Variants in TEX13C observed in about 807,000 individuals in gnomAD.
The protein encoded by TEX13C is TEX13 family member C, also known as testis-expressed protein 13C.
For synonymous variants in TEX13C, 219 were observed against 116.6 expected (o/e 1.88, Z -5.65); for missense variants, 480 against 298.7 (o/e 1.61, Z -4.47).
chrX:125,321,229 C>A (rs758548467), exon 1 of TEX13C: 1 of 515,359 alleles, frequency 1.9e-6, no homozygotes, highest in Non-Finnish European at 3.5e-6. Context: ...AGATGGTCCC[C>A]CTAGGGGACA....
chrX:125,321,356 C>T (rs929556424), exon 1 of TEX13C: 4 of 515,029 alleles, frequency 7.8e-6, no homozygotes, highest in Non-Finnish European at 3.5e-6. Context: ...GATGGTCTCC[C>T]TGGGGGACAG....
exon 1 of TEX13C, chrX:125,320,301 G>A (rs886090222): frequency 1.6e-5 from 8 of 515,152 alleles, no homozygotes; most frequent in Non-Finnish European, 2.4e-5. Flanking sequence ...CGGGTGCCCC[G>A]TGCCATTAAG....
exon 1 of TEX13C, chrX:125,323,030 C>T (rs947095121): frequency 2.3e-5 from 12 of 513,745 alleles, no homozygotes; most frequent in East Asian, 7.2e-5. Context: ...GAATTTTCCA[C>T]GGAACAAGGT....
chrX:125,320,503 G>A, exon 1 of TEX13C: 1 of 515,947 alleles, frequency 1.9e-6, no homozygotes, highest in East Asian at 3.6e-5. Flanking sequence ...TGCACCTCAC[G>A]CAGGCCGCCC....
chrX:125,320,052 A>G (rs1324558037), upstream of TEX13C: 2 of 453,439 alleles, frequency 4.4e-6, no homozygotes, highest in Non-Finnish European at 7.7e-6. Flanking sequence ...AGCAACCTGT[A>G]CCGGAAGCGG....
chrX:125,322,014 A>G (rs2018848596), exon 1 of TEX13C: 1 of 477,628 alleles, frequency 2.1e-6, no homozygotes, highest in South Asian at 2.6e-5. Flanking sequence ...CACAGCCTGA[A>G]GAAAGTGCCA....
In TEX13C at chrX:125,322,115, A is replaced by G. The variant is rs28720955; in HGVS notation, c.1996A>G (p.Ser666Gly). 720 of 486,137 alleles carry G rather than the reference A, an allele frequency of 1.5e-3. 7 individuals are homozygous for G. The African/African-American group carries it at 0.019, about 12-fold the overall frequency. 40.1% of individuals were successfully genotyped at this position (486,137 alleles called of 1,213,427 possible). A position where few individuals can be genotyped will look rare whatever the true frequency, so the allele number is the denominator to read the frequency against. ...CCAGAACATGGTCCCCCTGGAGGAC[A>G]GCAACAGCCATAGCCTGAAGAAAGA... The change falls in exon 1 of 1, where the codon AGC becomes GGC. Residue 666 changes from serine (S) to glycine (G), a missense_variant. By Grantham distance (56) the Ser-to-Gly change is moderately conservative (BLOSUM62 0). Coordinates refer to ENST00000632600, the Ensembl canonical transcript of TEX13C.
At chrX:125,324,899 C>T (rs2018877433) in exon 1 of TEX13C, 1 of 111,770 alleles carries the variant, frequency 8.9e-6, no homozygotes, top group South Asian at 3.8e-4. Flanking sequence ...ATTGGGGGCA[C>T]CAGGTTATGG....
chrX:125,320,378 C>T (rs1602633457), exon 1 of TEX13C: 3 of 515,105 alleles, frequency 5.8e-6, no homozygotes, highest in African/African-American at 2.3e-5. Flanking sequence ...GGAGGAGCTG[C>T]TGTACCAGGT....
At chrX:125,324,050 T>G (rs2018871295) in exon 1 of TEX13C, 1 of 112,469 alleles carries the variant, frequency 8.9e-6, no homozygotes, top group African/African-American at 3.2e-5. Flanking sequence ...CTTAATTCAT[T>G]AAATGAGAAG....
At chrX:125,320,159 C>A in exon 1 of TEX13C, 1 of 500,109 alleles carries the variant, frequency 2.0e-6, no homozygotes, top group Non-Finnish European at 3.6e-6. Flanking sequence ...CGGGTTCCGC[C>A]ATGATGATGT....
exon 1 of TEX13C, chrX:125,323,309 C>A: frequency 3.1e-6 from 1 of 323,046 alleles, no homozygotes; most frequent in Non-Finnish European, 5.3e-6. Flanking sequence ...CACACAAATA[C>A]GTATGTATTT....
exon 1 of TEX13C, chrX:125,321,362 G>A (rs940595537): frequency 2.1e-5 from 11 of 513,563 alleles, no homozygotes; most frequent in Admixed American, 1.9e-4. Context: ...CTCCCTGGGG[G>A]ACAGCAACAG....
chrX:125,322,683 G>T (rs746550512), exon 1 of TEX13C: 1 of 514,665 alleles, frequency 1.9e-6, no homozygotes, highest in South Asian at 2.5e-5. Context: ...GACAGCAACA[G>T]TCACAGCCTG....
chrX:125,323,044 C>T (rs777490629), exon 1 of TEX13C: 54 of 513,600 alleles, frequency 1.1e-4, no homozygotes, highest in Non-Finnish European at 1.8e-4. Flanking sequence ...ACAAGGTGTG[C>T]TCTAAATGCA....
chrX:125,321,947 C>T, exon 1 of TEX13C: 1 of 500,784 alleles, frequency 2.0e-6, no homozygotes, highest in Admixed American at 2.7e-5. Context: ...CAGCCATAGC[C>T]TGAAGAAAGA....
At chrX:125,321,105 A>G in exon 1 of TEX13C, 1 of 514,994 alleles carries the variant, frequency 1.9e-6, no homozygotes. Context: ...ATGACTTCCC[A>G]AGGGGACAGC....
rs747149792 is a variant in TEX13C, at chrX:125,320,241, G to A, written c.122G>A (p.Arg41Gln). ...GCCTTTTACACGGCCTTCCGCTCGC[G>A]GCCGTGGAACGAGGTAGAGGACCGG... The change falls in exon 1 of 1, where the codon CGG becomes CAG. Residue 41 changes from arginine (R) to glutamine (Q), a missense_variant. Coordinates refer to ENST00000632600, the Ensembl canonical transcript of TEX13C. The A allele has an allele frequency of 2.9e-5, 15 of 515,243 alleles. 1 individual carries two copies. The highest frequency in any genetic ancestry group is 3.1e-4 in the Middle Eastern group (1 of 3,223). 42.5% of individuals were successfully genotyped at this position (515,243 alleles called of 1,213,427 possible).
At chrX:125,323,046 C>A (rs1569520662) in exon 1 of TEX13C, 3 of 513,576 alleles carry the variant, frequency 5.8e-6, no homozygotes, top group East Asian at 7.2e-5. Context: ...AAGGTGTGCT[C>A]TAAATGCAAG....
Sources: allele counts gnomAD v4.1 joint callset, GRCh38; gene constraint gnomAD v4.1.1; transcripts MANE v1.5; gene names NCBI Gene and HGNC (gene_info 2026-07-23, HGNC 2026-07-21).